Variants in STK39 observed in about 807,000 individuals in gnomAD.
The protein encoded by STK39 is STE20/SPS1-related proline-alanine-rich protein kinase.
STK39 carries 20 observed loss-of-function variants against 77.8 expected under a neutral mutation model. That is an observed-to-expected ratio of 0.26 (90% CI 0.18 to 0.37). The LOEUF (loss-of-function observed/expected upper bound fraction) is 0.37. Ranked by LOEUF, STK39 falls within the 10% of genes least tolerant of loss-of-function variation. The probability of loss-of-function intolerance (pLI) is 1.00; values close to 1 mark genes in which losing one functional copy is unlikely to be tolerated. For synonymous variants in STK39, 246 were observed against 234.1 expected (o/e 1.05, Z -0.47); for missense variants, 479 against 656.5 (o/e 0.73, Z 2.95).
chr2:168,230,391 A>G lies in STK39; in HGVS notation c.208+16837T>C, dbSNP rs577974851. Among the ~76,000 whole-genome samples, 8 of 152,290 alleles carry G rather than the reference A, an allele frequency of 5.3e-5. No individual in the cohort carries two copies. In the South Asian group the frequency reaches 1.7e-3, roughly 32 times the overall value. ...GCAGCCAAGAAACAAAGTACAGGCAAGTTTCTTCCAGGATGAGAAATCAGT... is the reference window on the plus strand; with the variant it reads ...GCAGCCAAGAAACAAAGTACAGGCAGGTTTCTTCCAGGATGAGAAATCAGT... On this transcript the variant is annotated intron_variant, in intron 1 of 17. Coordinates refer to ENST00000355999, the MANE Select transcript of STK39 (RefSeq NM_013233.3).
intron 14 of STK39, among the ~76,000 whole-genome samples, chr2:168,020,555 G>A (rs1017519363): frequency 6.6e-6 from 1 of 151,650 alleles, no homozygotes; most frequent in African/African-American, 2.4e-5. Flanking sequence ...TACATTTTAA[G>A]TAACACTAAT....
chr2:168,022,562 A>G (rs1684596474), intron 14 of STK39, among the ~76,000 whole-genome samples: 1 of 152,240 alleles, frequency 6.6e-6, no homozygotes, highest in African/African-American at 2.4e-5. Context: ...CAGAGAAAAA[A>G]GAAATTTGAA....
At chr2:168,040,723 T>C (rs7604771) in intron 14 of STK39, among the ~76,000 whole-genome samples, 64,364 of 152,056 alleles carry the variant, frequency 0.42, 15,222 homozygotes, top group Non-Finnish European at 0.53. Flanking sequence ...ATACCTTTAA[T>C]TGACAAAATG....
intron 1 of STK39, among the ~76,000 whole-genome samples, chr2:168,198,326 A>C (rs1055480489): frequency 2.0e-5 from 3 of 152,200 alleles, no homozygotes; most frequent in African/African-American, 7.2e-5. Context: ...ATTGAACCAT[A>C]AACTATTGCC....
At chr2:168,116,627 A>G (rs1687265721) in intron 10 of STK39, among the ~76,000 whole-genome samples, 1 of 152,204 alleles carries the variant, frequency 6.6e-6, no homozygotes, top group African/African-American at 2.4e-5. Flanking sequence ...TCTCAAACAT[A>G]TGTACCACAC....
At chr2:167,962,510 T>C (rs1263356910) in intron 17 of STK39, among the ~76,000 whole-genome samples, 1 of 152,180 alleles carries the variant, frequency 6.6e-6, no homozygotes, top group Non-Finnish European at 1.5e-5. Context: ...ACCATCTTTA[T>C]CTTTGGGGAG....
intron 1 of STK39, among the ~76,000 whole-genome samples, chr2:168,190,703 A>G (rs752124789): frequency 2.0e-5 from 3 of 152,222 alleles, no homozygotes; most frequent in Non-Finnish European, 2.9e-5. Context: ...GTCAGGGAAC[A>G]CTGCATCAGG....
chr2:168,060,774 G>A (rs1011063556), intron 14 of STK39, among the ~76,000 whole-genome samples: 2 of 152,196 alleles, frequency 1.3e-5, no homozygotes, highest in Admixed American at 1.3e-4. Flanking sequence ...TGTGTTAGAT[G>A]TACATTAAAA....
chr2:168,093,154 T>C (rs1231557272), intron 10 of STK39, among the ~76,000 whole-genome samples: 1 of 151,732 alleles, frequency 6.6e-6, no homozygotes, highest in African/African-American at 2.4e-5. Context: ...AAGCAGGGAG[T>C]CAGTCTGAGC....
chr2:167,964,621 G>A (rs1692096006), intron 17 of STK39, 41 bp downstream of exon 17: 1 of 1,540,720 alleles, frequency 6.5e-7, no homozygotes, highest in South Asian at 1.1e-5. Context: ...GGCACAGCAT[G>A]GCAAAATATT....
intron 14 of STK39, among the ~76,000 whole-genome samples, chr2:168,058,426 A>T (rs1317780758): frequency 6.6e-6 from 1 of 152,036 alleles, no homozygotes; most frequent in African/African-American, 2.4e-5. Flanking sequence ...TCTCTTCTCT[A>T]CCTTCACTTA....
At chr2:168,190,574 G>A (rs1434678092) in intron 1 of STK39, among the ~76,000 whole-genome samples, 1 of 152,172 alleles carries the variant, frequency 6.6e-6, no homozygotes, top group Non-Finnish European at 1.5e-5. Flanking sequence ...CACGAAATGT[G>A]GCAGGCTAAT....
intron 16 of STK39, among the ~76,000 whole-genome samples, chr2:167,988,321 G>A (rs942410246): frequency 2.6e-5 from 4 of 152,104 alleles, no homozygotes; most frequent in Admixed American, 2.6e-4. Flanking sequence ...AGGCATATAT[G>A]AAGATCCCTT....
At chr2:167,991,528 C>A (rs191357551) in intron 16 of STK39, among the ~76,000 whole-genome samples, 72 of 152,312 alleles carry the variant, frequency 4.7e-4, no homozygotes, top group African/African-American at 1.6e-3. Flanking sequence ...CATCTTTGAG[C>A]AAGAACACCC....
intron 14 of STK39, among the ~76,000 whole-genome samples, chr2:168,025,172 C>T (rs1260839849): frequency 6.6e-6 from 1 of 152,148 alleles, no homozygotes; most frequent in African/African-American, 2.4e-5. Flanking sequence ...ACCATTTCCC[C>T]TTCTCATTCT....
chr2:168,107,929 G>C (rs1475236100), intron 10 of STK39, among the ~76,000 whole-genome samples: 1 of 152,144 alleles, frequency 6.6e-6, no homozygotes, highest in African/African-American at 2.4e-5. Flanking sequence ...ATTTACCGAG[G>C]AATCCAGTTA....
chr2:168,210,024 GGAAA>G (rs776283554), intron 1 of STK39, among the ~76,000 whole-genome samples: 12,788 of 96,554 alleles, frequency 0.13, 883 homozygotes, highest in Admixed American at 0.19. Context: ...AGGAAAGAAA[GGAAA>G]GAAAGGAAGG....
At chr2:168,146,333 C>G (rs1279156380) in intron 5 of STK39, among the ~76,000 whole-genome samples, 1 of 152,196 alleles carries the variant, frequency 6.6e-6, no homozygotes, top group Non-Finnish European at 1.5e-5. Flanking sequence ...CTACCTCAAA[C>G]TTCTACAGTA....
intron 14 of STK39, among the ~76,000 whole-genome samples, chr2:168,022,254 A>G (rs552910549): frequency 6.6e-6 from 1 of 152,366 alleles, no homozygotes; most frequent in Admixed American, 6.5e-5. Context: ...AAATACAAGT[A>G]TAAAAATAAA....
Sources: allele counts gnomAD v4.1 joint callset (sites outside exome capture counted in the v4.1 genomes callset), GRCh38; gene constraint gnomAD v4.1.1; transcripts MANE v1.5; gene names NCBI Gene and HGNC (gene_info 2026-07-23, HGNC 2026-07-21).